The following DHRSX variants were observed in gnomAD, a reference collection of about 807,000 sequenced individuals.
DHRSX encodes the protein polyprenol dehydrogenase.
Under a neutral mutation model 34.0 loss-of-function variants are expected in DHRSX, and 31 were observed. The ratio of observed to expected loss-of-function variants is 0.91; its 90% CI spans 0.69 to 1.23. DHRSX has a LOEUF of 1.23. Ranked by LOEUF, DHRSX falls within the 50% of genes most tolerant of loss-of-function variation. The pLI is 0.00. For synonymous variants in DHRSX, 201 were observed against 183.8 expected (o/e 1.09, Z -0.76); for missense variants, 414 against 428.1 (o/e 0.97, Z 0.29).
At chrX:2,437,947 G>A (rs142734969) in intron 1 of DHRSX, among the ~76,000 whole-genome samples, 1 of 151,438 alleles carries the variant, frequency 6.6e-6, no homozygotes, top group South Asian at 2.1e-4. Context: ...CATTCTAAGC[G>A]AACCTCAGAT....
intron 3 of DHRSX, among the ~76,000 whole-genome samples, chrX:2,365,786 G>A (rs1015385667): frequency 2.6e-5 from 4 of 152,052 alleles, no homozygotes; most frequent in African/African-American, 4.8e-5. Flanking sequence ...TGTGAACACC[G>A]GGGCCTGTCG....
At position 2,305,006 on chromosome X, in the gene DHRSX, G is replaced by A. The variant is rs184938610; in HGVS notation, c.287-13403C>T. ...TTAAAAAAAATGGTACATATACACC[G>A]TGGAATACTATGCAGCCATAAAAAG... On this transcript the variant is annotated intron_variant, in intron 3 of 6. Coordinates refer to ENST00000334651, the MANE Select transcript of DHRSX (RefSeq NM_145177.3). Among the ~76,000 whole-genome samples the A allele has an allele frequency of 9.4e-3, 1,427 of 152,130 alleles. 19 individuals carry two copies. The highest frequency in any genetic ancestry group is 0.029 in the African/African-American group (1,223 of 41,506).
At chrX:2,456,248 A>G (rs1428966752) in intron 1 of DHRSX, among the ~76,000 whole-genome samples, 2 of 152,150 alleles carry the variant, frequency 1.3e-5, no homozygotes, top group Non-Finnish European at 2.9e-5. Flanking sequence ...TCGACACCAC[A>G]TGGAAGATGG....
intron 3 of DHRSX, among the ~76,000 whole-genome samples, chrX:2,350,893 T>C (rs28570312): frequency 0.23 from 34,630 of 152,060 alleles, 4,537 homozygotes; most frequent in Middle Eastern, 0.31. Flanking sequence ...TGGAATACTA[T>C]GCAGCCATAA....
chrX:2,299,195 A>T (rs2041982336), intron 3 of DHRSX, among the ~76,000 whole-genome samples: 1 of 152,156 alleles, frequency 6.6e-6, no homozygotes, highest in Non-Finnish European at 1.5e-5. Flanking sequence ...AATGTCACTT[A>T]AAAATTATCG....
At chrX:2,350,961 T>C (rs909729837) in intron 3 of DHRSX, among the ~76,000 whole-genome samples, 1 of 152,136 alleles carries the variant, frequency 6.6e-6, no homozygotes, top group Non-Finnish European at 1.5e-5. Context: ...ACTGTTATTC[T>C]CAGCAAACTA....
At chrX:2,432,177 G>A (rs772387832) in intron 1 of DHRSX, among the ~76,000 whole-genome samples, 18 of 151,898 alleles carry the variant, frequency 1.2e-4, no homozygotes, top group Non-Finnish European at 2.4e-4. Context: ...CAGGGCGACA[G>A]AGCCAGACTC....
intron 6 of DHRSX, among the ~76,000 whole-genome samples, chrX:2,228,874 G>A (rs1011090734): frequency 6.6e-6 from 1 of 152,126 alleles, no homozygotes; most frequent in African/African-American, 2.4e-5. Flanking sequence ...CTTTGCAGAA[G>A]AGACACACAC....
At chrX:2,346,853 T>C (rs1478357254) in intron 3 of DHRSX, among the ~76,000 whole-genome samples, 1 of 151,886 alleles carries the variant, frequency 6.6e-6, no homozygotes, top group Admixed American at 6.6e-5. Context: ...CCTGTGTCCA[T>C]GTGTTCTCAT....
At chrX:2,348,984 G>T (rs1419407547) in intron 3 of DHRSX, among the ~76,000 whole-genome samples, 5 of 152,014 alleles carry the variant, frequency 3.3e-5, no homozygotes, top group Non-Finnish European at 7.4e-5. Context: ...ATGAGCCACC[G>T]CGCCCGGCTG....
intron 5 of DHRSX, among the ~76,000 whole-genome samples, chrX:2,265,460 T>A (rs768557847): frequency 8.2e-6 from 1 of 121,242 alleles, no homozygotes; most frequent in Admixed American, 7.9e-5. Context: ...CAGGGAGCAC[T>A]GTCCCCAGAG....
intron 3 of DHRSX, among the ~76,000 whole-genome samples, chrX:2,329,027 T>C (rs779722107): frequency 1.3e-5 from 2 of 152,306 alleles, no homozygotes; most frequent in African/African-American, 4.8e-5. Flanking sequence ...TTCTCTTCAA[T>C]TGCCCTTTAA....
chrX:2,416,978 T>C (rs1201486819), intron 2 of DHRSX, among the ~76,000 whole-genome samples: 1 of 152,098 alleles, frequency 6.6e-6, no homozygotes, highest in Non-Finnish European at 1.5e-5. Context: ...CAAACTGCCA[T>C]ACAAAATGAA....
At chrX:2,484,717 G>C (rs1248162438) in intron 1 of DHRSX, among the ~76,000 whole-genome samples, 2 of 152,116 alleles carry the variant, frequency 1.3e-5, no homozygotes, top group African/African-American at 2.4e-5. Context: ...CACTGGGAAA[G>C]GACGGGGCGG....
chrX:2,314,971 C>G (rs1417444259), intron 3 of DHRSX, among the ~76,000 whole-genome samples: 1 of 152,054 alleles, frequency 6.6e-6, no homozygotes, highest in Non-Finnish European at 1.5e-5. Context: ...CCAGCCTGAC[C>G]AACATGGAGA....
intron 5 of DHRSX, among the ~76,000 whole-genome samples, chrX:2,250,548 G>T (rs2016413161): frequency 6.6e-6 from 1 of 152,092 alleles, no homozygotes; most frequent in Non-Finnish European, 1.5e-5. Context: ...TTTAGACCAT[G>T]TCATGGCATC....
At chrX:2,400,997 T>C (rs1305713786) in intron 3 of DHRSX, among the ~76,000 whole-genome samples, 1 of 152,204 alleles carries the variant, frequency 6.6e-6, no homozygotes, top group Non-Finnish European at 1.5e-5. Context: ...GTGATTTCTT[T>C]TATTGAAAAC....
chrX:2,399,440 C>A (rs375398813), intron 3 of DHRSX, among the ~76,000 whole-genome samples: 1 of 149,966 alleles, frequency 6.7e-6, no homozygotes, highest in African/African-American at 2.5e-5. Context: ...GGCGTGATAG[C>A]TCACGCCTGT....
intron 1 of DHRSX, among the ~76,000 whole-genome samples, chrX:2,496,696 G>A (rs1313035284): frequency 2.0e-5 from 3 of 151,936 alleles, no homozygotes; most frequent in Non-Finnish European, 4.4e-5. Flanking sequence ...AAAATAGCGG[G>A]TGATAGATAT....
Sources: gnomAD v4.1 joint callset for allele counts (sites outside exome capture counted in the v4.1 genomes callset) on GRCh38, gnomAD v4.1.1 for gene constraint, MANE v1.5 for transcripts, NCBI Gene and HGNC (gene_info 2026-07-23, HGNC 2026-07-21) for gene names.